IGF2: variants seen among roughly 807,000 people sequenced by gnomAD.
IGF2 encodes insulin-like growth factor 2.
A neutral mutation model predicts 12.0 loss-of-function variants in IGF2; 2 were observed. That is an observed-to-expected ratio of 0.17 (90% CI 0.07 to 0.52). The LOEUF is 0.52. IGF2 is among the 20% of genes least tolerant of loss of function. The pLI is 0.95. For missense variants in IGF2, 211 were observed against 268.0 expected (o/e 0.79, Z 1.48); for synonymous variants, 105 against 110.1 (o/e 0.95, Z 0.29).
Position 2,131,339 on chromosome 11 carries a change from A to G in IGF2, c.*1648T>C. On this transcript the variant is annotated 3_prime_UTR_variant, in exon 4 of 4. Coordinates refer to ENST00000416167, the MANE Select transcript of IGF2 (RefSeq NM_000612.6). ...GGCTCAGACCATGAAAACATTGGAG[A>G]ATCTTAGCGGGACTTTGGCCTGATC... 4.3e-6 allele frequency: 1 copy of G among 233,320 alleles called. No homozygotes were observed. The highest frequency in any genetic ancestry group is 1.3e-3 in the Middle Eastern group (1 of 786). The allele number at this position is 233,320 out of a possible 1,614,324, so 14.5% of individuals were successfully genotyped here.
In IGF2 at chr11:2,131,206, T is replaced by C. The variant is rs1196567903; in HGVS notation, c.*1781A>G. On this transcript the variant is annotated 3_prime_UTR_variant, in exon 4 of 4. Coordinates refer to ENST00000416167, the MANE Select transcript of IGF2 (RefSeq NM_000612.6). ...ACACCCCGCCCACCCTACGGGTGTA[T>C]CCCAAATGCCGCCGGCCGCACACTC... is the stretch of plus-strand genomic sequence containing the variant. 1 of 233,000 alleles carries C rather than the reference T, an allele frequency of 4.3e-6. No homozygotes were observed. Among genetic ancestry groups the C allele is most frequent in the Non-Finnish European group, 8.5e-6 (1 of 118,004 alleles). The allele number at this position is 233,000 out of a possible 1,614,324, so 14.4% of individuals were successfully genotyped here.
At position 2,132,380 on chromosome 11, in the gene IGF2, C is replaced by T. The variant is rs538203994; in HGVS notation, c.*607G>A. 4.7e-5 allele frequency: 9 copies of T among 189,674 alleles called. No individual in the cohort carries two copies. The highest frequency in any genetic ancestry group is 8.3e-5 in the East Asian group (1 of 12,106). The allele number at this position is 189,674 out of a possible 1,614,324, so 11.7% of individuals were successfully genotyped here. A position where few individuals can be genotyped will look rare whatever the true frequency, so the allele number is the denominator to read the frequency against. Reference sequence around the variant, plus strand: ...AGAAGGGAGATGGCGGTAGCAGCGACGTGCCCACCTGTGATTTCTGGGGTC... The same window carrying T: ...AGAAGGGAGATGGCGGTAGCAGCGATGTGCCCACCTGTGATTTCTGGGGTC... On this transcript the variant is annotated 3_prime_UTR_variant, in exon 4 of 4. Transcript: ENST00000416167.
chr11:2,137,843 T>C (rs929507834), intron 1 of IGF2, among the ~76,000 whole-genome samples: 2 of 152,130 alleles, frequency 1.3e-5, no homozygotes, highest in Non-Finnish European at 2.9e-5. Flanking sequence ...GGTGGGCTTC[T>C]GCGGCTCCGC....
chr11:2,147,170 C>T, the IGF2 span: 1 of 157,362 alleles, frequency 6.4e-6, no homozygotes, highest in Admixed American at 6.5e-5. This position sits in a 1 kb window ranked among gnomAD's most constrained non-coding sequence, Gnocchi z 7.2. Context: ...CCCAGCAGAG[C>T]CCAGCTTTCC....
intron 1 of IGF2, 78 bp downstream of exon 1, chr11:2,138,151 G>T: frequency 1.1e-6 from 1 of 895,684 alleles, no homozygotes; most frequent in Non-Finnish European, 1.3e-6. Flanking sequence ...GGGAGCGGGC[G>T]GAGGAAGGGC....
Position 2,132,905 on chromosome 11 carries a change from G to A in IGF2, c.*82C>T, listed in dbSNP as rs2133581798. On this transcript the variant is annotated 3_prime_UTR_variant, in exon 4 of 4. Transcript: ENST00000416167. The stretch of plus-strand genomic sequence containing the variant: ...GGACGTGGAACCGAGAGATTTTCGG[G>A]ATGGAACCTGATGGAAACGTCCGTG... The A allele has an allele frequency of 1.0e-6, 1 of 976,514 alleles. No individual in the cohort carries two copies. Among genetic ancestry groups the A allele is most frequent in the South Asian group, 1.7e-5 (1 of 60,168 alleles). The allele number at this position is 976,514 out of a possible 1,614,324, so 60.5% of individuals were successfully genotyped here.
In IGF2 at chr11:2,129,667, C is replaced by T; in HGVS notation, c.*3320G>A. ...TTCCGAATGGCCCACTCACAGGGCG[C>T]TTGCCGAGGGACCCTCTGCGACTGA... On this transcript the variant is annotated 3_prime_UTR_variant, in exon 4 of 4. Transcript: ENST00000416167. This position sits in a 1 kb window ranked among gnomAD's most constrained non-coding sequence, Gnocchi z 8.1. 4.3e-6 allele frequency: 1 copy of T among 231,652 alleles called. No individual in the cohort carries two copies. The highest frequency in any genetic ancestry group is 8.6e-6 in the Non-Finnish European group (1 of 116,824). 14.3% of individuals were successfully genotyped at this position (231,652 alleles called of 1,614,324 possible). A position where few individuals can be genotyped will look rare whatever the true frequency, so the allele number is the denominator to read the frequency against.
At chr11:2,136,459 C>T (rs1859057248) in intron 1 of IGF2, among the ~76,000 whole-genome samples, 1 of 152,248 alleles carries the variant, frequency 6.6e-6, no homozygotes, top group African/African-American at 2.4e-5. Context: ...TCTTAGGACA[C>T]ACCCCCTCCA....
rs992100191 is a variant in IGF2 at position 2,131,978 on chromosome 11, G to A, written c.*1009C>T. The A allele has an allele frequency of 9.2e-5, 15 of 162,760 alleles. No individual in the cohort carries two copies. The highest frequency in any genetic ancestry group is 3.6e-4 in the Admixed American group (5 of 13,918). The allele number at this position is 162,760 out of a possible 1,614,324, so 10.1% of individuals were successfully genotyped here. A position where few individuals can be genotyped will look rare whatever the true frequency, so the allele number is the denominator to read the frequency against. On this transcript the variant is annotated 3_prime_UTR_variant, in exon 4 of 4. Coordinates refer to ENST00000416167, the MANE Select transcript of IGF2 (RefSeq NM_000612.6). ...GTGTGCTGTGTGTGCATGTGTGTGC[G>A]TGTGTGTGCTGTGCGTTTGTGTGTG... is the stretch of plus-strand genomic sequence containing the variant.
chr11:2,140,259 G>C (rs759933587), upstream of IGF2: 1 of 1,612,994 alleles, frequency 6.2e-7, no homozygotes, highest in South Asian at 1.1e-5. Flanking sequence ...TTCGGTCTCG[G>C]GGGCCACCAC....
At position 2,139,195 on chromosome 11, in the gene IGF2, G is replaced by A. The variant is rs1461157424; in HGVS notation, c.-973C>T. On this transcript the variant is annotated 5_prime_UTR_variant, in exon 1 of 4. Coordinates refer to ENST00000416167, the MANE Select transcript of IGF2 (RefSeq NM_000612.6). ...GCGGCGGGGAATCCGCAGGCCCGGC[G>A]GAGCGCGACCCCGCGGACGGCGCCC... 25 of 151,576 alleles carry A rather than the reference G, an allele frequency of 1.6e-4. No homozygotes were observed. The highest frequency in any genetic ancestry group is 1.5e-3 in the Admixed American group (23 of 15,244). The allele number at this position is 151,576 out of a possible 1,614,324, so 9.4% of individuals were successfully genotyped here. A position where few individuals can be genotyped will look rare whatever the true frequency, so the allele number is the denominator to read the frequency against.
At chr11:2,149,004 A>C in the IGF2 span, 8 of 913,808 alleles carry the variant, frequency 8.8e-6, no homozygotes, top group Non-Finnish European at 1.4e-5. Flanking sequence ...CCAGCAGCAG[A>C]AGTTCTTCCC....
chr11:2,131,109 G>C lies in IGF2; in HGVS notation c.*1878C>G, dbSNP rs567696295. The C allele has an allele frequency of 4.3e-6, 1 of 233,038 alleles. No homozygotes were observed. Among genetic ancestry groups the C allele is most frequent in the African/African-American group, 2.2e-5 (1 of 45,298 alleles). 14.4% of individuals were successfully genotyped at this position (233,038 alleles called of 1,614,324 possible). On this transcript the variant is annotated 3_prime_UTR_variant, in exon 4 of 4. Transcript: ENST00000416167. The stretch of plus-strand genomic sequence containing the variant: ...TGGCTCACGCTGCGGGGGCCGTGGG[G>C]ACAGGCGCCAAGGAGGCCAGCCTCA...
chr11:2,149,251 A>G, the IGF2 span: 1 of 1,613,628 alleles, frequency 6.2e-7, no homozygotes, highest in Non-Finnish European at 8.5e-7. Flanking sequence ...CCTGGCCAAT[A>G]TTAGCAGTCA....
intron 1 of IGF2, among the ~76,000 whole-genome samples, chr11:2,136,366 G>A (rs544093910): frequency 6.6e-6 from 1 of 152,152 alleles, no homozygotes; most frequent in Admixed American, 6.5e-5. Context: ...AACTCTCCCC[G>A]TGGGAGCTGG....
At chr11:2,145,880 G>A (rs368602046), upstream of IGF2, among the ~76,000 whole-genome samples, 5 of 152,032 alleles carry the variant, frequency 3.3e-5, no homozygotes, top group Non-Finnish European at 7.4e-5. Context: ...GACCAGCATC[G>A]GGGTTCTTCC....
At position 2,131,602 on chromosome 11, in the gene IGF2, C is replaced by A; in HGVS notation, c.*1385G>T. The A allele has an allele frequency of 6.8e-6, 1 of 147,458 alleles. No homozygotes were observed. The highest frequency in any genetic ancestry group is 1.3e-5 in the Non-Finnish European group (1 of 76,656). 9.1% of individuals were successfully genotyped at this position (147,458 alleles called of 1,614,324 possible). A position where few individuals can be genotyped will look rare whatever the true frequency, so the allele number is the denominator to read the frequency against. ...GCTGTGTTCATGTGTGCTGTGCATGCGTGTGTGCTGTGTGTGCATGTGTGT... is the reference window on the plus strand; with the variant it reads ...GCTGTGTTCATGTGTGCTGTGCATGAGTGTGTGCTGTGTGTGCATGTGTGT... On this transcript the variant is annotated 3_prime_UTR_variant, in exon 4 of 4. Coordinates refer to ENST00000416167, the MANE Select transcript of IGF2 (RefSeq NM_000612.6).
intron 2 of IGF2, chr11:2,134,207 CT>C (rs777922227): frequency 6.4e-6 from 3 of 472,274 alleles, no homozygotes; most frequent in African/African-American, 4.1e-5. Context: ...CGTCTTCCCC[CT>C]CTCCCCCACA....
chr11:2,140,311 G>C, upstream of IGF2: 1 of 1,608,952 alleles, frequency 6.2e-7, no homozygotes, highest in Non-Finnish European at 8.5e-7. Context: ...TGGAGAGTTT[G>C]AACGATGTAA....
Sources: allele counts gnomAD v4.1 joint callset (sites outside exome capture counted in the v4.1 genomes callset), GRCh38; gene constraint gnomAD v4.1.1; non-coding constraint Gnocchi (gnomAD v3.1); transcripts MANE v1.5; gene names NCBI Gene and HGNC (gene_info 2026-07-23, HGNC 2026-07-21).